ZNF507: variants seen among roughly 807,000 people sequenced by gnomAD.
The protein encoded by ZNF507 is zinc finger protein 507.
In ZNF507, 29 loss-of-function variants were observed where a neutral mutation model predicts 80.0. The observed-to-expected ratio is 0.36, with a 90% CI of 0.27 to 0.49. ZNF507 has a LOEUF of 0.49. ZNF507 is among the 20% of genes least tolerant of loss of function. The pLI is 0.98. For missense variants in ZNF507, 1,081 were observed against 1,152.2 expected (o/e 0.94, Z 0.90); for synonymous variants, 462 against 422.5 (o/e 1.09, Z -1.15).
Position 32,353,747 on chromosome 19 carries a change from T to C in ZNF507, c.917T>C (p.Val306Ala). 1.2e-6 allele frequency: 2 copies of C among 1,614,200 alleles called. No individual in the cohort carries two copies. The highest frequency in any genetic ancestry group is 1.7e-6 in the Non-Finnish European group (2 of 1,180,032). ...GCGCCTGGTGGGGTCGATGCAGTCG[T>C]CATTGCTATTGGAGAGAGTGAACTG... The part of the protein sequence containing the change: ...AAAPGGVDAV[V>A]IAIGESELSI... The change falls in exon 3 of 7, where the codon GTC (valine) becomes GCC (alanine). Residue 306 changes from valine (V) to alanine (A), a missense_variant. Val to Ala is a moderately conservative substitution (Grantham distance 64, BLOSUM62 0). Around this residue, in one of 6 missense-constraint regions of ZNF507, gnomAD observed 614 missense variants for 583.9 expected, o/e 1.05. Coordinates refer to ENST00000355898, the MANE Select transcript of ZNF507 (RefSeq NM_001136156.2).
In ZNF507 at chr19:32,354,610, TTGAG is replaced by T; in HGVS notation, c.1781_1784del (p.Leu594Ter). On this transcript the variant is annotated frameshift_variant, in exon 3 of 7. Transcript: ENST00000355898. LOFTEE classifies it high-confidence loss of function. Reference sequence around the variant, plus strand: ...GTCCTTACTCACCGTCATTGAAAAATTGAGAGAAAGGACAGACCAAAACGCTTCA... The same window carrying T: ...GTCCTTACTCACCGTCATTGAAAAATAGAAAGGACAGACCAAAACGCTTCA... 1.2e-6 allele frequency: 2 copies of T among 1,613,832 alleles called. No individual in the cohort carries two copies. The highest frequency in any genetic ancestry group is 2.2e-5 in the East Asian group (1 of 44,870).
chr19:32,360,723 G>T (rs533773509), intron 5 of ZNF507, 105 bp downstream of exon 5: 15 of 542,866 alleles, frequency 2.8e-5, no homozygotes, highest in Admixed American at 8.4e-5. Flanking sequence ...CACAGGTTAA[G>T]AAGTAAGAAA....
intron 5 of ZNF507, among the ~76,000 whole-genome samples, chr19:32,381,868 T>C (rs753290643): frequency 4.6e-5 from 7 of 152,224 alleles, no homozygotes; most frequent in Non-Finnish European, 8.8e-5. Flanking sequence ...TATTAATTTT[T>C]CTAAAAATCT....
Position 32,382,548 on chromosome 19 carries a change from C to A in ZNF507, c.2442C>A (p.Tyr814Ter). 1 of 1,614,160 alleles carries A rather than the reference C, an allele frequency of 6.2e-7. No homozygotes were observed. The highest frequency in any genetic ancestry group is 8.5e-7 in the Non-Finnish European group (1 of 1,179,998). The change falls in exon 6 of 7, where the codon TAC (tyrosine) becomes TAA (stop). Residue 814 changes from tyrosine (Y) to a stop codon, truncating the protein, a stop_gained. Coordinates refer to ENST00000355898, the MANE Select transcript of ZNF507 (RefSeq NM_001136156.2). LOFTEE classifies it high-confidence loss of function. ...GGAAACATGCAAGTGACCAAAATTA[C>A]AACTACGAACAAGTAAACAAGGCTA... ...HMWKHASDQNYNYEQVNKAIN... is the reference protein window; with the variant it reads ...HMWKHASDQN
At position 32,353,736 on chromosome 19, in the gene ZNF507, C is replaced by T. The variant is rs73926019; in HGVS notation, c.906C>T (p.Val302=). The T allele has an allele frequency of 1.3e-5, 21 of 1,614,028 alleles. No individual in the cohort carries two copies. Among genetic ancestry groups the T allele is most frequent in the African/African-American group, 2.7e-5 (2 of 74,902 alleles). ...CAGCAGCTGCTGCGCCTGGTGGGGT[C>T]GATGCAGTCGTCATTGCTATTGGAG... is the stretch of plus-strand genomic sequence containing the variant. The part of the protein sequence containing the change: ...DSSAAAAPGG[V]DAVVIAIGES... The change falls in exon 3 of 7, where the codon GTC becomes GTT. Residue 302 remains valine, a synonymous_variant. Coordinates refer to ENST00000355898, the MANE Select transcript of ZNF507 (RefSeq NM_001136156.2).
At chr19:32,365,443 T>C (rs963293366) in intron 5 of ZNF507, among the ~76,000 whole-genome samples, 6 of 152,250 alleles carry the variant, frequency 3.9e-5, no homozygotes, top group Non-Finnish European at 2.9e-5. Context: ...TCCAATGTTA[T>C]CTTCTAGAAT....
Position 32,382,857 on chromosome 19 carries a change from A to G in ZNF507, c.2636A>G (p.Glu879Gly), listed in dbSNP as rs1391121842. The change falls in exon 7 of 7, where the codon GAG becomes GGG. Residue 879 changes from glutamate to glycine, a missense_variant. Physicochemically the swap from Glu to Gly is moderately conservative, Grantham distance 98 (BLOSUM62 -2). Coordinates refer to ENST00000355898, the MANE Select transcript of ZNF507 (RefSeq NM_001136156.2). ...QTPSEVLGTN[E>G]NEKLSPTSNT... is the part of the protein sequence containing the mutation. ...CCCAGTGAAGTTCTGGGTACCAACGAGAATGAGAAACTGAGCCCTACAAGT... is the reference window on the plus strand; with the variant it reads ...CCCAGTGAAGTTCTGGGTACCAACGGGAATGAGAAACTGAGCCCTACAAGT... 2 of 1,614,186 alleles carry G rather than the reference A, an allele frequency of 1.2e-6. No individual in the cohort carries two copies. The highest frequency in any genetic ancestry group is 1.7e-5 in the Admixed American group (1 of 60,016).
At chr19:32,374,230 G>T (rs112030401) in intron 5 of ZNF507, among the ~76,000 whole-genome samples, 21 of 151,230 alleles carry the variant, frequency 1.4e-4, no homozygotes, top group African/African-American at 5.1e-4. Context: ...GCTTCTTCTT[G>T]TGTATTTTAT....
chr19:32,361,816 C>CCTTCCTTTCCTTT (rs1363059401), intron 5 of ZNF507, among the ~76,000 whole-genome samples: 12 of 140,618 alleles, frequency 8.5e-5, no homozygotes, highest in African/African-American at 2.6e-4. Context: ...TCGTTTCCTT[C>CCTTCCTTTCCTTT]CTTCCTTTCC....
chr19:32,354,084 T>G lies in ZNF507; in HGVS notation c.1254T>G (p.Thr418=), dbSNP rs777518106. The change falls in exon 3 of 7, where the codon ACT becomes ACG. Residue 418 remains threonine (T), a synonymous_variant. Transcript: ENST00000355898. ...CACAGAAGCGCTTCCTCATGAACAC[T>G]GAAATGGAAGAAGGGAAGGACCTGA... ...TLSQKRFLMN[T]EMEEGKDLSL... 1 of 1,613,808 alleles carries G rather than the reference T, an allele frequency of 6.2e-7. No individual in the cohort carries two copies. The highest frequency in any genetic ancestry group is 1.1e-5 in the South Asian group (1 of 91,064).
rs2145320420 is a variant in ZNF507, at chr19:32,356,680, C to G, written c.2192C>G (p.Ser731Cys). ...SLPDTLSIAT[S>C]NEPRISSDTA... ...CCAGATACCTTGTCAATAGCAACTT[C>G]TAATGAGCCAAGAATTTCCAGTGAT... is the stretch of plus-strand genomic sequence containing the variant. Residue 731 changes from serine (S) to cysteine (C), a missense_variant, in exon 4 of 7, where the codon TCT becomes TGT. By Grantham distance (112) the Ser-to-Cys change is moderately radical (BLOSUM62 -1). Around this residue, in one of 6 missense-constraint regions of ZNF507, gnomAD observed 614 missense variants for 583.9 expected, o/e 1.05. Coordinates refer to ENST00000355898, the MANE Select transcript of ZNF507 (RefSeq NM_001136156.2). 1.9e-6 allele frequency: 3 copies of G among 1,614,186 alleles called. No homozygotes were observed. Among genetic ancestry groups the G allele is most frequent in the Non-Finnish European group, 2.5e-6 (3 of 1,180,028 alleles).
rs774889629 is a variant in ZNF507 at position 32,353,864 on chromosome 19, G to A, written c.1034G>A (p.Gly345Glu). The part of the protein sequence containing the change: ...SSPLEQSAER[G>E]VHLSQSVTLD... Reference sequence around the variant, plus strand: ...CCTTTAGAACAGAGTGCAGAAAGAGGAGTACACCTAAGTCAGTCAGTTACC... The same window carrying A: ...CCTTTAGAACAGAGTGCAGAAAGAGAAGTACACCTAAGTCAGTCAGTTACC... Residue 345 changes from glycine to glutamate, a missense_variant, in exon 3 of 7, where the codon GGA becomes GAA. Physicochemically the swap from Gly to Glu is moderately conservative, Grantham distance 98. This residue lies in a region of ZNF507 where 614 missense variants were observed against 583.9 expected (regional missense o/e 1.05). Transcript: ENST00000355898. The A allele has an allele frequency of 2.5e-6, 4 of 1,614,148 alleles. No homozygotes were observed. The East Asian group carries it at 8.9e-5, about 36-fold the overall frequency.
chr19:32,353,902 G>A lies in ZNF507; in HGVS notation c.1072G>A (p.Glu358Lys). The A allele has an allele frequency of 6.2e-7, 1 of 1,614,174 alleles. No individual in the cohort carries two copies. Among genetic ancestry groups the A allele is most frequent in the Non-Finnish European group, 8.5e-7 (1 of 1,180,052 alleles). The stretch of plus-strand genomic sequence containing the variant: ...TCAGTCAGTTACCCTGGACCCCAAT[G>A]AGGAAGAAATGCTAGAAGTGATTTC... Reference protein sequence around the residue: ...LSQSVTLDPNEEEMLEVISDA... With the variant: ...LSQSVTLDPNKEEMLEVISDA... Residue 358 changes from glutamate (E) to lysine (K), a missense_variant, in exon 3 of 7, where the codon GAG becomes AAG. Physicochemically the swap from Glu to Lys is moderately conservative, Grantham distance 56. Around this residue, in one of 6 missense-constraint regions of ZNF507, gnomAD observed 614 missense variants for 583.9 expected, o/e 1.05. Coordinates refer to ENST00000355898, the MANE Select transcript of ZNF507 (RefSeq NM_001136156.2).
chr19:32,364,563 C>T (rs1473478927), intron 5 of ZNF507, among the ~76,000 whole-genome samples: 1 of 152,150 alleles, frequency 6.6e-6, no homozygotes, highest in Non-Finnish European at 1.5e-5. Context: ...TTAGCTCCCA[C>T]GTATCAGTGA....
rs1264241361 is a variant in ZNF507, at chr19:32,385,569, C to T, written c.*2486C>T. ...GTGGCTCACACCTGTAATCCCAATA[C>T]TTTAGAAGGCCAAGGCTGGAGGACT... On this transcript the variant is annotated 3_prime_UTR_variant, in exon 7 of 7. Coordinates refer to ENST00000355898, the MANE Select transcript of ZNF507 (RefSeq NM_001136156.2). 1 of 152,210 alleles carries T rather than the reference C, an allele frequency of 6.6e-6. No homozygotes were observed. Among genetic ancestry groups the T allele is most frequent in the African/African-American group, 2.4e-5 (1 of 41,452 alleles). The allele number at this position is 152,210 out of a possible 1,614,324, so 9.4% of individuals were successfully genotyped here.
At chr19:32,360,874 G>A (rs943562378) in intron 5 of ZNF507, among the ~76,000 whole-genome samples, 1 of 152,008 alleles carries the variant, frequency 6.6e-6, no homozygotes, top group African/African-American at 2.4e-5. Context: ...TGGCCTCAAG[G>A]GATCCTCCCA....
rs3746016 is a variant in ZNF507 at position 32,386,353 on chromosome 19, T to C, written c.*3270T>C. ...AAGCAGGCTTCTCTGTTGAGACTTA[T>C]TGTGTTTTTAGTTTTCATAGACACT... On this transcript the variant is annotated 3_prime_UTR_variant, in exon 7 of 7. Coordinates refer to ENST00000355898, the MANE Select transcript of ZNF507 (RefSeq NM_001136156.2). The C allele has an allele frequency of 0.14, 21,045 of 152,690 alleles. 1,766 individuals carry two copies. Among genetic ancestry groups the C allele is most frequent in the South Asian group, 0.28 (1,370 of 4,828 alleles). The allele number at this position is 152,690 out of a possible 1,614,324, so 9.5% of individuals were successfully genotyped here.
At chr19:32,358,126 A>T (rs1315447754) in intron 4 of ZNF507, 1 of 152,014 alleles carries the variant, frequency 6.6e-6, no homozygotes, top group South Asian at 2.1e-4. Flanking sequence ...ATTGCCTGCC[A>T]TGCCTCTTTT....
chr19:32,380,756 C>A (rs1967612629), intron 5 of ZNF507: 2 of 842,614 alleles, frequency 2.4e-6, no homozygotes, highest in African/African-American at 1.7e-5. Context: ...TGAGTGTTTG[C>A]CCAAATGATG....
Sources: gnomAD v4.1 joint callset for allele counts (sites outside exome capture counted in the v4.1 genomes callset) on GRCh38, gnomAD v4.1.1 for gene constraint, gnomAD v4.1.1 regional missense constraint, MANE v1.5 for transcripts, NCBI Gene and HGNC (gene_info 2026-07-23, HGNC 2026-07-21) for gene names.